The following ARHGEF1 variants were observed in gnomAD, a reference collection of about 807,000 sequenced individuals.
The protein encoded by ARHGEF1 is 115 kDa guanine nucleotide exchange factor.
In ARHGEF1, 40 loss-of-function variants were observed where a neutral mutation model predicts 119.7. That is an observed-to-expected ratio of 0.33 (90% confidence interval 0.26 to 0.44). The LOEUF (loss-of-function observed/expected upper bound fraction) is 0.44, where lower values mean the gene tolerates loss of function less well. Among genes scored for constraint, ARHGEF1 ranks in the 20% least tolerant of loss-of-function variants. The probability of loss-of-function intolerance (pLI) is 1.00; values close to 1 mark genes in which losing one functional copy is unlikely to be tolerated. For synonymous variants in ARHGEF1, 494 were observed against 521.0 expected, an observed-to-expected ratio of 0.95 and a Z score of 0.71; for missense variants, 976 against 1,268.3, an observed-to-expected ratio of 0.77 and a Z score of 3.50.
In ARHGEF1 at chr19:41,905,715, C is replaced by T. The variant is rs1599665456; in HGVS notation, c.2337-45C>T. The T allele has an allele frequency of 6.2e-7, 1 of 1,606,962 alleles. No homozygotes were observed. Among genetic ancestry groups the T allele is most frequent in the Non-Finnish European group, 8.5e-7 (1 of 1,175,260 alleles). ...CTCTGTCTCCCTGCCCCTGCGGCCC[C>T]CCAGGGCCAGGGGTGTGGGGTCACC... On this transcript the variant is annotated intron_variant, in intron 24 of 28. Coordinates refer to ENST00000354532, the MANE Select transcript of ARHGEF1 (RefSeq NM_004706.4). The surrounding 1 kb of genome is among the most constrained non-coding windows in gnomAD (Gnocchi z 6.4).
rs182828636 is a variant in ARHGEF1, at chr19:41,905,329, C to G, written c.2336+68C>G. On this transcript the variant is annotated intron_variant, in intron 24 of 28. Transcript: ENST00000354532. This position sits in a 1 kb window ranked among gnomAD's most constrained non-coding sequence, Gnocchi z 6.4. ...GCCGGAAGGCGGGGCAGGCTTCCCTCCACAACTCCAGAACCGTCTCTGTGT... is the reference window on the plus strand; with the variant it reads ...GCCGGAAGGCGGGGCAGGCTTCCCTGCACAACTCCAGAACCGTCTCTGTGT... 1.6e-4 allele frequency: 215 copies of G among 1,384,742 alleles called. No homozygotes were observed. The East Asian group carries it at 3.6e-3, about 23-fold the overall frequency. The allele number at this position is 1,384,742 out of a possible 1,614,324, so 85.8% of individuals were successfully genotyped here. A position where few individuals can be genotyped will look rare whatever the true frequency, so the allele number is the denominator to read the frequency against.
downstream of ARHGEF1, chr19:41,908,676 C>G: frequency 8.1e-7 from 1 of 1,230,996 alleles, no homozygotes. The surrounding 1 kb of genome is among the most constrained non-coding windows in gnomAD (Gnocchi z 6.7). Context: ...GCTGGTGGCA[C>G]CTGGGGGGCA....
Position 41,906,793 on chromosome 19 carries a change from C to T in ARHGEF1, c.*7C>T, listed in dbSNP as rs372273800. On this transcript the variant is annotated 3_prime_UTR_variant, in exon 28 of 29. Coordinates refer to ENST00000354532, the MANE Select transcript of ARHGEF1 (RefSeq NM_004706.4). This position sits in a 1 kb window ranked among gnomAD's most constrained non-coding sequence, Gnocchi z 4.5. ...CCAGCCTGGCTGCACTTGAGGTTCCCGCCCAGGAAGGTGAGTGGGGCACCT... is the reference window on the plus strand; with the variant it reads ...CCAGCCTGGCTGCACTTGAGGTTCCTGCCCAGGAAGGTGAGTGGGGCACCT... The T allele has an allele frequency of 2.4e-5, 38 of 1,607,654 alleles. No individual in the cohort carries two copies. Among genetic ancestry groups the T allele is most frequent in the Admixed American group, 1.7e-4 (10 of 58,864 alleles).
Position 41,906,849 on chromosome 19 carries a change from T to G in ARHGEF1, c.*17+46T>G. 6.8e-7 allele frequency: 1 copy of G among 1,462,506 alleles called. No individual in the cohort carries two copies. The highest frequency in any genetic ancestry group is 9.3e-7 in the Non-Finnish European group (1 of 1,077,556). The allele number at this position is 1,462,506 out of a possible 1,614,324, so 90.6% of individuals were successfully genotyped here. On this transcript the variant is annotated intron_variant, in intron 28 of 28. Coordinates refer to ENST00000354532, the MANE Select transcript of ARHGEF1 (RefSeq NM_004706.4). This position sits in a 1 kb window ranked among gnomAD's most constrained non-coding sequence, Gnocchi z 4.5. ...CCAGGGCGCTGTCCTGAAAGGAGGG[T>G]CCCCCTCCAGAGCTCGCATCCCTAC...
rs2074697983 is a variant in ARHGEF1 at position 41,906,476 on chromosome 19, T to G, written c.2511T>G (p.Leu837=). The change falls in exon 27 of 29, where the codon CTT becomes CTG. Residue 837 remains leucine, a synonymous_variant. Coordinates refer to ENST00000354532, the MANE Select transcript of ARHGEF1 (RefSeq NM_004706.4). The surrounding 1 kb of genome is among the most constrained non-coding windows in gnomAD (Gnocchi z 4.5). The stretch of plus-strand genomic sequence containing the variant: ...GGCCAGTGCTGTCCCTGAAGCAGCT[T>G]CTGTTTCCGGCGGAGGAAGACAATG... ...ALRKVLSLKQ[L]LFPAEEDNGA... The G allele has an allele frequency of 6.3e-7, 1 of 1,575,014 alleles. No individual in the cohort carries two copies. The highest frequency in any genetic ancestry group is 8.6e-7 in the Non-Finnish European group (1 of 1,167,962).
intron 12 of ARHGEF1, 45 bp downstream of exon 12, chr19:41,895,531 G>A (rs782244091): frequency 6.5e-7 from 1 of 1,543,852 alleles, no homozygotes; most frequent in East Asian, 2.3e-5. Context: ...CGGCGATCCA[G>A]GGTGGGGGTG....
At chr19:41,912,913 A>G in intron 18 of ARHGEF1, 1 of 1,231,252 alleles carries the variant, frequency 8.1e-7, no homozygotes. Flanking sequence ...ACGCAGCTAC[A>G]GTCCATGGCG....
rs551980953 is a variant in ARHGEF1, at chr19:41,892,476, C to T, written c.367+103C>T. On this transcript the variant is annotated intron_variant, in intron 6 of 28. Transcript: ENST00000354532. The surrounding 1 kb of genome is among the most constrained non-coding windows in gnomAD (Gnocchi z 6.3). ...CACTCCCATGCTCTGCTCGGACAGC[C>T]GAGATTCATTCATTCCTTCTTGGCA... The T allele has an allele frequency of 3.0e-5, 47 of 1,592,690 alleles. No individual in the cohort carries two copies. The highest frequency in any genetic ancestry group is 3.9e-5 in the Non-Finnish European group (45 of 1,164,564).
In ARHGEF1 at chr19:41,892,069, G is replaced by A. The variant is rs1555846286; in HGVS notation, c.270G>A (p.Lys90=). The change falls in exon 5 of 29, where the codon AAG becomes AAA. Residue 90 remains lysine (K), a synonymous_variant. Coordinates refer to ENST00000354532, the MANE Select transcript of ARHGEF1 (RefSeq NM_004706.4). The surrounding 1 kb of genome is among the most constrained non-coding windows in gnomAD (Gnocchi z 6.3). ...ACATGCTGGGCTCACTGGGCCCCAAGGAGGCCAAGAAGGCCTTCCTGGACT... is the reference window on the plus strand; with the variant it reads ...ACATGCTGGGCTCACTGGGCCCCAAAGAGGCCAAGAAGGCCTTCCTGGACT... ...HADMLGSLGP[K]EAKKAFLDFY... is the part of the protein sequence containing the mutation. The A allele has an allele frequency of 6.2e-7, 1 of 1,613,246 alleles. No homozygotes were observed. The highest frequency in any genetic ancestry group is 8.5e-7 in the Non-Finnish European group (1 of 1,179,436).
chr19:41,894,135 A>AGTGTATGTGT, intron 8 of ARHGEF1, 72 bp from the exon 9 acceptor site: 1 of 484,532 alleles, frequency 2.1e-6, no homozygotes, highest in East Asian at 3.6e-5. Context: ...TGTGTGTGTG[A>AGTGTATGTGT]GTGTGTGTGT....
At chr19:41,915,460 C>T (rs1294668448) in intron 18 of ARHGEF1, among the ~76,000 whole-genome samples, 2 of 151,902 alleles carry the variant, frequency 1.3e-5, no homozygotes, top group Admixed American at 6.5e-5. Context: ...TTGGTTCCCA[C>T]GTCGTCTCCA....
exon 2 of ARHGEF1, chr19:41,928,861 G>A: frequency 2.2e-6 from 1 of 454,816 alleles, no homozygotes; most frequent in Non-Finnish European, 4.4e-6. Flanking sequence ...CAGGCGCGAG[G>A]TGGAGGTGGC....
At chr19:41,901,799 T>C (rs1164102079) in intron 14 of ARHGEF1, 88 bp from the exon 15 acceptor site, 3 of 1,491,082 alleles carry the variant, frequency 2.0e-6, no homozygotes, top group Non-Finnish European at 2.7e-6. Flanking sequence ...TCCTCCCTGC[T>C]CTGCCTCATT....
In ARHGEF1 at chr19:41,916,581, C is replaced by T. The variant is rs2074802915; in HGVS notation, c.1866-6511C>T. On this transcript the variant is annotated intron_variant, in intron 18 of 20. Transcript: ENST00000599589. The surrounding 1 kb of genome is among the most constrained non-coding windows in gnomAD (Gnocchi z 5.4). Reference sequence around the variant, plus strand: ...ACACATAATCACACACTGAGGCTCACAATCAAATACAGAAACCCAGATTCC... The same window carrying T: ...ACACATAATCACACACTGAGGCTCATAATCAAATACAGAAACCCAGATTCC... 6.6e-6 allele frequency among the ~76,000 whole-genome samples: 1 copy of T among 152,108 alleles called. No individual in the cohort carries two copies.
chr19:41,927,198 G>A (rs1347226888), intron 1 of ARHGEF1, among the ~76,000 whole-genome samples: 2 of 152,082 alleles, frequency 1.3e-5, no homozygotes, highest in African/African-American at 2.4e-5. Context: ...CCCAGCCAGG[G>A]GAGAGATAAC....
rs782251002 is a variant in ARHGEF1, at chr19:41,896,497, G to T, written c.1121+15G>T. The T allele has an allele frequency of 4.0e-6, 6 of 1,499,322 alleles. No homozygotes were observed. The South Asian group carries it at 8.0e-5, about 20-fold the overall frequency. 92.9% of individuals were successfully genotyped at this position (1,499,322 alleles called of 1,614,324 possible). ...GAAACCGAGAGGTGCCCAGGCTGGGGTGCAGGGGCGGGAGGTGTGGCTTAC... is the reference window on the plus strand; with the variant it reads ...GAAACCGAGAGGTGCCCAGGCTGGGTTGCAGGGGCGGGAGGTGTGGCTTAC... On this transcript the variant is annotated intron_variant, in intron 13 of 28. Transcript: ENST00000354532.
chr19:41,903,277 CACCAG>C lies in ARHGEF1; in HGVS notation c.1739-28_1739-24del. 1 of 1,603,594 alleles carries C rather than the reference CACCAG, an allele frequency of 6.2e-7. No individual in the cohort carries two copies. The highest frequency in any genetic ancestry group is 8.5e-7 in the Non-Finnish European group (1 of 1,170,986). ...ATCTGGAGCCTCCAGGGCAGGGGTT[CACCAG>C]AGCTGCTCTCTCCCTTGCCTGCAGA... is the stretch of plus-strand genomic sequence containing the variant. On this transcript the variant is annotated intron_variant, in intron 18 of 28. Coordinates refer to ENST00000354532, the MANE Select transcript of ARHGEF1 (RefSeq NM_004706.4). The surrounding 1 kb of genome is among the most constrained non-coding windows in gnomAD (Gnocchi z 4.2).
chr19:41,922,459 G>A (rs1555852585), upstream of ARHGEF1, among the ~76,000 whole-genome samples: 5 of 152,196 alleles, frequency 3.3e-5, no homozygotes, highest in African/African-American at 7.2e-5. Flanking sequence ...ACAGGGACAG[G>A]GAATCGGATG....
intron 18 of ARHGEF1, among the ~76,000 whole-genome samples, chr19:41,913,863 GCGCTCCCGAGACCC>G (rs1454100402): frequency 1.5e-5 from 2 of 131,576 alleles, no homozygotes; most frequent in Non-Finnish European, 3.2e-5. Flanking sequence ...CGCTGCCCTC[GCGCTCCCGAGACCC>G]CTCCCCTCAG....
Sources: gnomAD v4.1 joint callset for allele counts (sites outside exome capture counted in the v4.1 genomes callset) on GRCh38, gnomAD v4.1.1 for gene constraint, Gnocchi (gnomAD v3.1) non-coding constraint, MANE v1.5 for transcripts, NCBI Gene and HGNC (gene_info 2026-07-23, HGNC 2026-07-21) for gene names.